PGM2L1: variants seen among roughly 807,000 people sequenced by gnomAD.
The protein encoded by PGM2L1 is phosphoglucomutase 2 like 1.
PGM2L1 carries 35 observed loss-of-function variants against 73.4 expected under a neutral mutation model. The ratio of observed to expected loss-of-function variants is 0.48; its 90% confidence interval spans 0.36 to 0.63. PGM2L1 has a LOEUF of 0.63. PGM2L1 is among the 30% of genes least tolerant of loss of function. PGM2L1 has a pLI of 0.00. For synonymous variants in PGM2L1, 225 were observed against 253.8 expected (o/e 0.89, Z 1.08); for missense variants, 570 against 742.0 (o/e 0.77, Z 2.69).
chr11:74,342,698 A>G, intron 11 of PGM2L1, 48 bp from the exon 12 acceptor site: 1 of 1,440,148 alleles, frequency 6.9e-7, no homozygotes, highest in Non-Finnish European at 9.3e-7. Flanking sequence ...ATAACTCTTT[A>G]AAAAAGCATA....
intron 5 of PGM2L1, among the ~76,000 whole-genome samples, chr11:74,360,252 T>G (rs895671408): frequency 2.4e-4 from 21 of 88,536 alleles, no homozygotes; most frequent in South Asian, 3.7e-4. Context: ...TAAAATAAAA[T>G]AAAAGAAAGA....
Position 74,342,515 on chromosome 11 carries a change from CAATATAGCAAATGTTCCACAAAATTTTGG to C in PGM2L1, c.1549_1577del (p.Pro517AlafsTer10), listed in dbSNP as rs777077540. ...ATCCAGTGGTAACGTCCCGTACATG[CAATATAGCAAATGTTCCACAAAATTTTGG>C]ATATTCTTTTGGAGAATCAAAATTA... On this transcript the variant is annotated frameshift_variant, in exon 12 of 14. Coordinates refer to ENST00000298198, the MANE Select transcript of PGM2L1 (RefSeq NM_173582.6). LOFTEE classifies it high-confidence loss of function. 6.2e-7 allele frequency: 1 copy of C among 1,607,924 alleles called. No individual in the cohort carries two copies. Among genetic ancestry groups the C allele is most frequent in the Non-Finnish European group, 8.5e-7 (1 of 1,177,060 alleles).
intron 5 of PGM2L1, among the ~76,000 whole-genome samples, chr11:74,367,746 C>T (rs1387653542): frequency 6.6e-6 from 1 of 152,208 alleles, no homozygotes; most frequent in Non-Finnish European, 1.5e-5. Flanking sequence ...ACATTGCTAC[C>T]TGGTTGACCC....
chr11:74,397,897 C>T, intron 1 of PGM2L1, 154 bp downstream of exon 1: 2 of 1,311,728 alleles, frequency 1.5e-6, no homozygotes, highest in Non-Finnish European at 2.0e-6. Context: ...GGAGCAACCC[C>T]ACGCATAGGT....
At chr11:74,351,006 C>G (rs1245286132) in intron 6 of PGM2L1, among the ~76,000 whole-genome samples, 1 of 152,148 alleles carries the variant, frequency 6.6e-6, no homozygotes, top group Non-Finnish European at 1.5e-5. Flanking sequence ...CCACAAGAAA[C>G]CTCTAATCTA....
chr11:74,361,447 A>G (rs966382296), intron 5 of PGM2L1, among the ~76,000 whole-genome samples: 2 of 152,150 alleles, frequency 1.3e-5, no homozygotes, highest in Admixed American at 1.3e-4. Flanking sequence ...AAAGATGGGG[A>G]AAAAACAGAG....
At chr11:74,361,269 C>CTGA in intron 5 of PGM2L1, among the ~76,000 whole-genome samples, 1 of 152,320 alleles carries the variant, frequency 6.6e-6, no homozygotes, top group Non-Finnish European at 1.5e-5. Flanking sequence ...GCCTCCACTG[C>CTGA]TGATACCCAG....
At position 74,398,282 on chromosome 11, in the gene PGM2L1, CA is replaced by C. The variant is rs1863213809; in HGVS notation, c.-122del. The C allele has an allele frequency of 7.3e-6, 10 of 1,372,256 alleles. No homozygotes were observed. The highest frequency in any genetic ancestry group is 9.5e-6 in the Non-Finnish European group (10 of 1,051,016). 85.0% of individuals were successfully genotyped at this position (1,372,256 alleles called of 1,614,324 possible). ...CACCTCACTGAAGGGCATCGGAGAC[CA>C]ACCGCAGGGTGTTCGTAACAGCTCC... On this transcript the variant is annotated 5_prime_UTR_variant, in exon 1 of 14. Transcript: ENST00000298198.
intron 12 of PGM2L1, among the ~76,000 whole-genome samples, chr11:74,339,307 GA>G (rs1862147781): frequency 6.6e-6 from 1 of 152,174 alleles, no homozygotes; most frequent in African/African-American, 2.4e-5. Context: ...ATTAAAAAAA[GA>G]AGTGATGTTT....
intron 1 of PGM2L1, among the ~76,000 whole-genome samples, chr11:74,397,181 C>T (rs1863189402): frequency 6.6e-6 from 1 of 152,200 alleles, no homozygotes; most frequent in African/African-American, 2.4e-5. Flanking sequence ...GCCTTCTCTA[C>T]TTCAACAAAG....
At chr11:74,350,578 T>A (rs1002570982) in intron 6 of PGM2L1, among the ~76,000 whole-genome samples, 2 of 152,132 alleles carry the variant, frequency 1.3e-5, no homozygotes, top group Non-Finnish European at 2.9e-5. Flanking sequence ...TTCTCACTAC[T>A]CCTGAAAGAA....
At chr11:74,380,279 A>C (rs573712934) in intron 1 of PGM2L1, among the ~76,000 whole-genome samples, 1 of 152,338 alleles carries the variant, frequency 6.6e-6, no homozygotes, top group Non-Finnish European at 1.5e-5. Flanking sequence ...TTGAAGATCC[A>C]AGTCTAGAGT....
Position 74,374,592 on chromosome 11 carries a change from A to G in PGM2L1, c.112-10T>C, listed in dbSNP as rs779455029. 1 of 1,611,800 alleles carries G rather than the reference A, an allele frequency of 6.2e-7. No homozygotes were observed. The highest frequency in any genetic ancestry group is 8.5e-7 in the Non-Finnish European group (1 of 1,178,446). Reference sequence around the variant, plus strand: ...CTTTTGTTTTGGGATTCTATAAAAAAGAAGTATTAAAACTTAACCAGGAAT... The same window carrying G: ...CTTTTGTTTTGGGATTCTATAAAAAGGAAGTATTAAAACTTAACCAGGAAT... On this transcript the variant is annotated splice_polypyrimidine_tract_variant and intron_variant, in intron 1 of 13. Coordinates refer to ENST00000298198, the MANE Select transcript of PGM2L1 (RefSeq NM_173582.6).
At chr11:74,384,365 T>A (rs1862991621) in intron 1 of PGM2L1, among the ~76,000 whole-genome samples, 2 of 152,114 alleles carry the variant, frequency 1.3e-5, no homozygotes, top group Non-Finnish European at 2.9e-5. Context: ...GAGATTACTC[T>A]TACTTCTGCT....
At chr11:74,372,716 TA>T (rs945718339) in intron 2 of PGM2L1, among the ~76,000 whole-genome samples, 2 of 152,184 alleles carry the variant, frequency 1.3e-5, no homozygotes, top group African/African-American at 4.8e-5. Context: ...TTCATTCAAC[TA>T]AAACTAAGTT....
At chr11:74,397,191 G>T (rs1342469267) in intron 1 of PGM2L1, among the ~76,000 whole-genome samples, 1 of 152,106 alleles carries the variant, frequency 6.6e-6, no homozygotes, top group Non-Finnish European at 1.5e-5. Flanking sequence ...CTTCAACAAA[G>T]GTATTTTACG....
Position 74,346,780 on chromosome 11 carries a change from G to A in PGM2L1, c.989C>T (p.Ala330Val). ...AEKENARVVLATDPDADRLAA... is the reference protein window; with the variant it reads ...AEKENARVVLVTDPDADRLAA... ...CAGTCTGTCTGCATCAGGATCTGTG[G>A]CTAGCACTACCCGGGCATTTTCTTT... Residue 330 changes from alanine to valine, a missense_variant, in exon 8 of 14, where the codon GCC (alanine) becomes GTC (valine). Ala to Val is a moderately conservative substitution (Grantham distance 64). Coordinates refer to ENST00000298198, the MANE Select transcript of PGM2L1 (RefSeq NM_173582.6). The A allele has an allele frequency of 1.2e-6, 2 of 1,614,056 alleles. No individual in the cohort carries two copies.
chr11:74,394,124 T>C (rs1387039669), intron 1 of PGM2L1, among the ~76,000 whole-genome samples: 2 of 152,150 alleles, frequency 1.3e-5, no homozygotes, highest in African/African-American at 4.8e-5. Flanking sequence ...GACAGTCCCA[T>C]TGTGGAGATG....
At chr11:74,352,497 C>G (rs12283918) in intron 5 of PGM2L1, among the ~76,000 whole-genome samples, 1 of 152,118 alleles carries the variant, frequency 6.6e-6, no homozygotes, top group African/African-American at 2.4e-5. Context: ...AAATGTAATT[C>G]TATTAATTTA....
Sources: gnomAD v4.1 joint callset for allele counts (sites outside exome capture counted in the v4.1 genomes callset) on GRCh38, gnomAD v4.1.1 for gene constraint, MANE v1.5 for transcripts, NCBI Gene and HGNC (gene_info 2026-07-23, HGNC 2026-07-21) for gene names.